ZNF827: variants seen among roughly 807,000 people sequenced by gnomAD.
ZNF827 encodes zinc finger protein 827.
A neutral mutation model predicts 102.4 loss-of-function variants in ZNF827; 13 were observed. That is an observed-to-expected ratio of 0.13 (90% CI 0.08 to 0.20). The LOEUF (loss-of-function observed/expected upper bound fraction) is 0.20. Ranked by LOEUF, ZNF827 falls within the 10% of genes least tolerant of loss-of-function variation. The probability of loss-of-function intolerance (pLI) is 1.00; values close to 1 mark genes in which losing one functional copy is unlikely to be tolerated. For missense variants in ZNF827, 1,103 were observed against 1,344.4 expected (o/e 0.82, Z 2.81); for synonymous variants, 523 against 536.2 (o/e 0.98, Z 0.34).
At chr4:145,901,131 C>T (rs1392805567) in intron 2 of ZNF827, among the ~76,000 whole-genome samples, 1 of 152,184 alleles carries the variant, frequency 6.6e-6, no homozygotes. Context: ...ATCGTTCCGT[C>T]AATTATTTGC....
chr4:145,874,943 G>C (rs1042533829), intron 4 of ZNF827, among the ~76,000 whole-genome samples: 1 of 152,130 alleles, frequency 6.6e-6, no homozygotes, highest in Admixed American at 6.5e-5. Context: ...CCATTTAAAG[G>C]AAACAAATCC....
intron 7 of ZNF827, among the ~76,000 whole-genome samples, chr4:145,841,250 TTCTTAC>T (rs1160904348): frequency 2.6e-5 from 4 of 152,222 alleles, no homozygotes; most frequent in Admixed American, 6.5e-5. Flanking sequence ...AGCTATCTGA[TTCTTAC>T]TCTAGGGTTC....
chr4:145,871,653 A>T (rs1748688829), intron 4 of ZNF827, among the ~76,000 whole-genome samples: 1 of 152,214 alleles, frequency 6.6e-6, no homozygotes, highest in South Asian at 2.1e-4. Context: ...CCTTAAGTCC[A>T]TTCCATCTTA....
intron 4 of ZNF827, among the ~76,000 whole-genome samples, chr4:145,883,287 T>C (rs539861461): frequency 2.0e-5 from 3 of 152,308 alleles, no homozygotes; most frequent in African/African-American, 7.2e-5. Flanking sequence ...CACCATAAAA[T>C]AGCCACATGG....
chr4:145,897,876 C>T (rs1429830186), intron 2 of ZNF827, among the ~76,000 whole-genome samples: 2 of 152,136 alleles, frequency 1.3e-5, no homozygotes, highest in African/African-American at 2.4e-5. Flanking sequence ...GACTTATGGC[C>T]GGGTCCTGTG....
At chr4:145,799,675 C>A (rs1740696079) in intron 8 of ZNF827, among the ~76,000 whole-genome samples, 1 of 152,164 alleles carries the variant, frequency 6.6e-6, no homozygotes, top group South Asian at 2.1e-4. Flanking sequence ...GGCTGCCCAA[C>A]AAAACACTGT....
Position 145,762,444 on chromosome 4 carries a change from G to A in ZNF827, c.*17+646C>T, listed in dbSNP as rs191929697. ...CTGGATTGGAAATTCTCAGAGGGCA[G>A]GACCATATCTTACATTTCCTCTGCA... On this transcript the variant is annotated intron_variant, in intron 14 of 14. Coordinates refer to ENST00000508784, the MANE Select transcript of ZNF827 (RefSeq NM_001306215.2). The surrounding 1 kb of genome is among the most constrained non-coding windows in gnomAD (Gnocchi z 4.9). Among the ~76,000 whole-genome samples, 1 of 152,286 alleles carries A rather than the reference G, an allele frequency of 6.6e-6. No homozygotes were observed. The highest frequency in any genetic ancestry group is 6.5e-5 in the Admixed American group (1 of 15,304).
At chr4:145,797,027 C>A (rs77131818) in intron 8 of ZNF827, among the ~76,000 whole-genome samples, 1 of 152,076 alleles carries the variant, frequency 6.6e-6, no homozygotes, top group Admixed American at 6.6e-5. Flanking sequence ...GTACTGGATG[C>A]GTGTACTGGA....
intron 3 of ZNF827, among the ~76,000 whole-genome samples, chr4:145,887,895 G>A (rs896213967): frequency 6.6e-6 from 1 of 152,200 alleles, no homozygotes; most frequent in African/African-American, 2.4e-5. Context: ...TGAGAGCAGT[G>A]CAGTGGGGCA....
chr4:145,835,542 G>T (rs1482571043), intron 7 of ZNF827, among the ~76,000 whole-genome samples: 4 of 149,598 alleles, frequency 2.7e-5, no homozygotes, highest in African/African-American at 5.0e-5. Flanking sequence ...CTGCTTCCCT[G>T]ACTATTCCTG....
chr4:145,767,371 G>C (rs559346724), intron 11 of ZNF827, among the ~76,000 whole-genome samples: 1 of 152,252 alleles, frequency 6.6e-6, no homozygotes, highest in East Asian at 1.9e-4. Context: ...AATGAAAAGA[G>C]CATCAGTGAA....
At position 145,760,972 on chromosome 4, in the gene ZNF827, G is replaced by C. The variant is rs1423496685; in HGVS notation, c.*644C>G. ...CCGGTACTTGTCAAAGCGCAAAGGG[G>C]AGCCGTTGAAGGCCAAAGCCTTGAG... On this transcript the variant is annotated 3_prime_UTR_variant, in exon 15 of 15. Transcript: ENST00000508784. The C allele has an allele frequency of 8.0e-7, 1 of 1,242,760 alleles. No individual in the cohort carries two copies. The allele number at this position is 1,242,760 out of a possible 1,614,324, so 77.0% of individuals were successfully genotyped here.
chr4:145,772,625 T>C (rs1161000066), intron 11 of ZNF827, among the ~76,000 whole-genome samples: 2 of 152,212 alleles, frequency 1.3e-5, no homozygotes, highest in Non-Finnish European at 2.9e-5. Context: ...TGACAGAAAC[T>C]GTATGACCTG....
intron 11 of ZNF827, among the ~76,000 whole-genome samples, chr4:145,773,125 C>A (rs1356584350): frequency 1.3e-5 from 2 of 152,186 alleles, no homozygotes; most frequent in Non-Finnish European, 2.9e-5. Context: ...AAAAGACTAT[C>A]TGAAAAGCCA....
intron 8 of ZNF827, among the ~76,000 whole-genome samples, chr4:145,787,388 G>A (rs781270366): frequency 1.3e-5 from 2 of 151,296 alleles, no homozygotes; most frequent in Admixed American, 6.6e-5. Context: ...GCTTGAACCC[G>A]GAGGTAGAGA....
intron 1 of ZNF827, among the ~76,000 whole-genome samples, chr4:145,929,139 T>C (rs551039736): frequency 2.6e-4 from 39 of 152,368 alleles, no homozygotes; most frequent in Admixed American, 7.2e-4. Flanking sequence ...ATGATCTCTC[T>C]TTCCCACTGT....
At chr4:145,812,530 T>C (rs536199428) in intron 8 of ZNF827, among the ~76,000 whole-genome samples, 1 of 151,056 alleles carries the variant, frequency 6.6e-6, no homozygotes. Flanking sequence ...TTTATTTATT[T>C]ATTTATTTAT....
At chr4:145,805,674 T>A (rs1741349690) in intron 8 of ZNF827, among the ~76,000 whole-genome samples, 1 of 152,192 alleles carries the variant, frequency 6.6e-6, no homozygotes, top group South Asian at 2.1e-4. Context: ...CTCAAAGCAT[T>A]CCAATGGTTC....
chr4:145,929,390 G>A (rs1329618234), intron 1 of ZNF827, among the ~76,000 whole-genome samples: 1 of 152,154 alleles, frequency 6.6e-6, no homozygotes, highest in Non-Finnish European at 1.5e-5. Flanking sequence ...TCTAATTTGA[G>A]TCTCACTCTA....
Sources: gnomAD v4.1 joint callset for allele counts (sites outside exome capture counted in the v4.1 genomes callset) on GRCh38, gnomAD v4.1.1 for gene constraint, Gnocchi (gnomAD v3.1) non-coding constraint, MANE v1.5 for transcripts, NCBI Gene and HGNC (gene_info 2026-07-23, HGNC 2026-07-21) for gene names.